The following HESX1 variants were observed in gnomAD, a reference collection of about 807,000 sequenced individuals.
HESX1 encodes homeobox expressed in ES cells 1.
HESX1 carries 11 observed loss-of-function variants against 22.5 expected under a neutral mutation model. That is an observed-to-expected ratio of 0.49 (90% CI 0.31 to 0.81). The LOEUF (loss-of-function observed/expected upper bound fraction) is 0.81. Ranked by LOEUF, HESX1 falls within the 30% of genes least tolerant of loss-of-function variation. The probability of loss-of-function intolerance (pLI) is 0.05; values close to 1 mark genes in which losing one functional copy is unlikely to be tolerated. For synonymous variants in HESX1, 74 were observed against 76.5 expected (o/e 0.97, Z 0.17); for missense variants, 201 against 212.6 (o/e 0.95, Z 0.34).
At chr3:57,217,273 C>T (rs2060587792) in intron 1 of HESX1, among the ~76,000 whole-genome samples, 1 of 152,146 alleles carries the variant, frequency 6.6e-6, no homozygotes, top group African/African-American at 2.4e-5. Context: ...TACATATACA[C>T]GTTTACATCT....
chr3:57,216,029 C>A (rs2060580788), intron 1 of HESX1, among the ~76,000 whole-genome samples: 1 of 152,108 alleles, frequency 6.6e-6, no homozygotes, highest in South Asian at 2.1e-4. Context: ...GTTTTTCCTG[C>A]AAACAAGGAT....
At chr3:57,224,149 C>T (rs1427421435) in intron 1 of HESX1, among the ~76,000 whole-genome samples, 1 of 152,100 alleles carries the variant, frequency 6.6e-6, no homozygotes. Flanking sequence ...CCTGCCACCA[C>T]ATCCAGCTAA....
chr3:57,199,815 C>T lies in HESX1; in HGVS notation c.104G>A (p.Cys35Tyr), dbSNP rs755574989. 3.3e-5 allele frequency: 53 copies of T among 1,614,050 alleles called. No homozygotes were observed. The highest frequency in any genetic ancestry group is 4.2e-5 in the Non-Finnish European group (50 of 1,179,978). ...RILGLDQKKD[C>Y]VPLMKPHRPW... ...CCTGTGGGGTTTCATTAATGGAACA[C>T]AGTCTTTCTTCTGGTCCAGTCCTAA... The change falls in exon 1 of 4, where the codon TGT (cysteine) becomes TAT (tyrosine). Residue 35 changes from cysteine (C) to tyrosine (Y), a missense_variant. Coordinates refer to ENST00000295934, the MANE Select transcript of HESX1 (RefSeq NM_003865.3).
upstream of HESX1, among the ~76,000 whole-genome samples, chr3:57,201,227 C>T (rs902001763): frequency 9.2e-5 from 14 of 152,146 alleles, no homozygotes; most frequent in East Asian, 3.9e-4. Context: ...TGAAAGCTCT[C>T]GGGTAAATAA....
intron 1 of HESX1, among the ~76,000 whole-genome samples, chr3:57,215,105 T>G (rs777508038): frequency 2.0e-5 from 3 of 152,162 alleles, no homozygotes; most frequent in Non-Finnish European, 2.9e-5. Flanking sequence ...TTATCTAGAA[T>G]AGTAAATATT....
chr3:57,221,882 G>A (rs948276043), intron 1 of HESX1, among the ~76,000 whole-genome samples: 2 of 152,196 alleles, frequency 1.3e-5, no homozygotes, highest in African/African-American at 2.4e-5. Context: ...TGGGATTATA[G>A]GCATGAGCCA....
intron 1 of HESX1, among the ~76,000 whole-genome samples, chr3:57,218,439 C>CTTTTTTTTTTTT (rs60734023): frequency 9.8e-6 from 1 of 102,274 alleles, no homozygotes. Context: ...TGATCTCATT[C>CTTTTTTTTTTTT]TTTTTTTTTT....
At chr3:57,201,931 T>C (rs571670619), upstream of HESX1, among the ~76,000 whole-genome samples, 15 of 141,192 alleles carry the variant, frequency 1.1e-4, no homozygotes, top group South Asian at 3.2e-3. Context: ...ATCTATCTAT[T>C]TTTTTGAGAC....
At chr3:57,217,706 C>T (rs1385869912) in intron 1 of HESX1, among the ~76,000 whole-genome samples, 1 of 152,106 alleles carries the variant, frequency 6.6e-6, no homozygotes, top group African/African-American at 2.4e-5. Flanking sequence ...ACTTCCCTCA[C>T]CCCTTGGGTT....
At chr3:57,225,532 C>A (rs1349945374) in intron 1 of HESX1, among the ~76,000 whole-genome samples, 1 of 151,910 alleles carries the variant, frequency 6.6e-6, no homozygotes. Context: ...TTGGTAGAGA[C>A]GGGGTTTCAC....
chr3:57,206,238 T>C (rs2060518793), intron 1 of HESX1, among the ~76,000 whole-genome samples: 4 of 152,086 alleles, frequency 2.6e-5, no homozygotes. Context: ...GCTTAGCTCA[T>C]ACTAGGTGAA....
At chr3:57,225,670 G>A (rs2060637902) in intron 1 of HESX1, among the ~76,000 whole-genome samples, 1 of 151,896 alleles carries the variant, frequency 6.6e-6, no homozygotes, top group African/African-American at 2.4e-5. Flanking sequence ...AGCTGAGTCC[G>A]GCAAGAATTC....
rs1258847771 is a variant in HESX1 at position 57,198,018 on chromosome 3, TAACTAA to T, written c.*173_*178del. On this transcript the variant is annotated 3_prime_UTR_variant, in exon 4 of 4. Coordinates refer to ENST00000295934, the MANE Select transcript of HESX1 (RefSeq NM_003865.3). ...AAATATATATAAAAGGTCTTTACTA[TAACTAA>T]AAGTGCCCAAATATGTACCATGCTA... 5.8e-6 allele frequency: 3 copies of T among 516,184 alleles called. No homozygotes were observed. Among genetic ancestry groups the T allele is most frequent in the East Asian group, 6.1e-5 (2 of 32,852 alleles). 32.0% of individuals were successfully genotyped at this position (516,184 alleles called of 1,614,324 possible). A position where few individuals can be genotyped will look rare whatever the true frequency, so the allele number is the denominator to read the frequency against.
intron 1 of HESX1, among the ~76,000 whole-genome samples, chr3:57,206,119 A>T (rs943976503): frequency 6.6e-6 from 1 of 152,194 alleles, no homozygotes; most frequent in African/African-American, 2.4e-5. Context: ...TGAATCCAGG[A>T]GGCAGAGGTG....
intron 1 of HESX1, 53 bp from the exon 2 acceptor site, chr3:57,199,005 A>T: frequency 6.6e-7 from 1 of 1,513,226 alleles, no homozygotes; most frequent in Non-Finnish European, 9.2e-7. Flanking sequence ...ATGTTCCACA[A>T]AGTTCTATAG....
At chr3:57,204,966 G>T (rs1009995012), upstream of HESX1, among the ~76,000 whole-genome samples, 8 of 152,156 alleles carry the variant, frequency 5.3e-5, no homozygotes, top group African/African-American at 1.9e-4. Flanking sequence ...ACAGTCAAGA[G>T]AGGGAAAAGG....
In HESX1 at chr3:57,198,893, T is replaced by C; in HGVS notation, c.217A>G (p.Ser73Gly). ...PNPPSGISFPSVVDHPMPEER... is the reference protein window; with the variant it reads ...PNPPSGISFPGVVDHPMPEER... ...TCTGGCATTGGGTGATCCACCACGCTAGGGAATGAAATCCCACTGGGAGGA... is the reference window on the plus strand; with the variant it reads ...TCTGGCATTGGGTGATCCACCACGCCAGGGAATGAAATCCCACTGGGAGGA... Residue 73 changes from serine (S) to glycine (G), a missense_variant, in exon 2 of 4, where the codon AGC (serine) becomes GGC (glycine). By Grantham distance (56) the Ser-to-Gly change is moderately conservative (BLOSUM62 0). Transcript: ENST00000295934. The C allele has an allele frequency of 6.2e-7, 1 of 1,614,158 alleles. No homozygotes were observed. Among genetic ancestry groups the C allele is most frequent in the Non-Finnish European group, 8.5e-7 (1 of 1,180,016 alleles).
chr3:57,198,193 C>T lies in HESX1; in HGVS notation c.*4G>A, dbSNP rs2060459030. On this transcript the variant is annotated 3_prime_UTR_variant, in exon 4 of 4. Coordinates refer to ENST00000295934, the MANE Select transcript of HESX1 (RefSeq NM_003865.3). Reference sequence around the variant, plus strand: ...AAGATAATTTCACTTGTTTAGTTTTCTATCTATTCCAGCAGATTTGTGTTG... The same window carrying T: ...AAGATAATTTCACTTGTTTAGTTTTTTATCTATTCCAGCAGATTTGTGTTG... 1 of 1,543,640 alleles carries T rather than the reference C, an allele frequency of 6.5e-7. No individual in the cohort carries two copies. Among genetic ancestry groups the T allele is most frequent in the African/African-American group, 1.4e-5 (1 of 73,448 alleles).
intron 1 of HESX1, among the ~76,000 whole-genome samples, chr3:57,216,288 C>A (rs531108302): frequency 6.6e-6 from 1 of 152,160 alleles, no homozygotes; most frequent in Non-Finnish European, 1.5e-5. Flanking sequence ...AGATTACAGT[C>A]AGCTACTTTG....
Sources: gnomAD v4.1 joint callset for allele counts (sites outside exome capture counted in the v4.1 genomes callset) on GRCh38, gnomAD v4.1.1 for gene constraint, MANE v1.5 for transcripts, NCBI Gene and HGNC (gene_info 2026-07-23, HGNC 2026-07-21) for gene names.